The following BDH2 variants were observed in gnomAD, a reference collection of about 807,000 sequenced individuals.
BDH2 encodes the protein 3-hydroxybutyrate dehydrogenase 2, also known as dehydrogenase/reductase SDR family member 6.
A neutral mutation model predicts 33.2 loss-of-function variants in BDH2; 24 were observed. The ratio of observed to expected loss-of-function variants is 0.72; its 90% CI spans 0.52 to 1.02. The LOEUF (loss-of-function observed/expected upper bound fraction) is 1.02, where lower values mean the gene tolerates loss of function less well. Ranked by LOEUF, BDH2 falls within the 50% of genes least tolerant of loss-of-function variation. The pLI, the probability that BDH2 is intolerant of heterozygous loss-of-function variation, is 0.00. For synonymous variants in BDH2, 81 were observed against 101.6 expected, an observed-to-expected ratio of 0.80 and a Z score of 1.22; for missense variants, 249 against 301.6, an observed-to-expected ratio of 0.83 and a Z score of 1.29.
At chr4:103,096,420 T>C (rs1183045774) in intron 1 of BDH2, 146 bp from the exon 2 acceptor site, 1 of 520,476 alleles carries the variant, frequency 1.9e-6, no homozygotes, top group Non-Finnish European at 3.5e-6. Flanking sequence ...TCTGTGCAAG[T>C]AGTCCCATCA....
intron 3 of BDH2, 36 bp from the exon 4 acceptor site, chr4:103,092,732 T>C (rs760561896): frequency 1.5e-5 from 22 of 1,453,022 alleles, no homozygotes; most frequent in Non-Finnish European, 2.1e-5. Context: ...TTCCTAAAAA[T>C]GTTTAGCCTT....
chr4:103,086,187 T>A (rs1237637247), intron 6 of BDH2: 1 of 1,177,984 alleles, frequency 8.5e-7, no homozygotes, highest in Non-Finnish European at 1.1e-6. Context: ...CTATTTTAAA[T>A]TAATTAAATG....
chr4:103,097,711 C>T (rs1453888506), intron 1 of BDH2: 1 of 152,236 alleles, frequency 6.6e-6, no homozygotes, highest in Non-Finnish European at 1.5e-5. Context: ...TACTTGGCCA[C>T]TCCTAGCTGC....
chr4:103,096,697 C>A (rs1030420269), intron 1 of BDH2, among the ~76,000 whole-genome samples: 1 of 151,930 alleles, frequency 6.6e-6, no homozygotes, highest in South Asian at 2.1e-4. Flanking sequence ...CCTGCCACCA[C>A]GCCCAGCCAA....
At chr4:103,086,589 T>C (rs1422206693) in intron 5 of BDH2, 49 bp from the exon 6 acceptor site, 1 of 1,552,594 alleles carries the variant, frequency 6.4e-7, no homozygotes, top group Non-Finnish European at 8.7e-7. Flanking sequence ...CTTTGTGGGC[T>C]AAAATACTAC....
At chr4:103,092,427 C>A in intron 4 of BDH2, 173 bp downstream of exon 4, 1 of 606,876 alleles carries the variant, frequency 1.6e-6, no homozygotes, top group Non-Finnish European at 2.9e-6. Context: ...CTAAGGCTGT[C>A]TTACCTGCTG....
At chr4:103,081,704 G>A (rs1560569050) in intron 9 of BDH2, among the ~76,000 whole-genome samples, 1 of 152,190 alleles carries the variant, frequency 6.6e-6, no homozygotes, top group East Asian at 1.9e-4. Context: ...ACACAAATCT[G>A]CTTAATCCTC....
Position 103,091,231 on chromosome 4 carries a change from C to T in BDH2, c.303G>A (p.Ser101=), listed in dbSNP as rs151335490. The change falls in exon 5 of 10, where the codon TCG becomes TCA. Residue 101 remains serine, a synonymous_variant. Coordinates refer to ENST00000296424, the MANE Select transcript of BDH2 (RefSeq NM_020139.4). ...ACATGCTGCGCACATTGAGATTCAT[C>T]GAGAAGTCCCAGTCTTTCTCCTCAC... The part of the protein sequence containing the change: ...LDCEEKDWDF[S]MNLNVRSMYL... 21 of 1,613,402 alleles carry T rather than the reference C, an allele frequency of 1.3e-5. No homozygotes were observed. Among genetic ancestry groups the T allele is most frequent in the African/African-American group, 4.0e-5 (3 of 74,978 alleles).
At chr4:103,089,812 C>G (rs1217520478) in intron 5 of BDH2, among the ~76,000 whole-genome samples, 2 of 152,028 alleles carry the variant, frequency 1.3e-5, no homozygotes, top group Non-Finnish European at 1.5e-5. Flanking sequence ...CTCATAAACT[C>G]CAAATAGGCT....
At chr4:103,082,041 GA>G in intron 9 of BDH2, 39 bp downstream of exon 9, 2 of 1,532,480 alleles carry the variant, frequency 1.3e-6, no homozygotes, top group East Asian at 4.5e-5. Context: ...GGCCAAATGT[GA>G]TTGAGGGTAA....
chr4:103,085,545 A>C (rs1358469479), intron 6 of BDH2, 83 bp from the exon 7 acceptor site: 1 of 1,439,582 alleles, frequency 6.9e-7, no homozygotes, highest in East Asian at 2.5e-5. Context: ...AAGTTTTCCC[A>C]GTAGCCATTT....
intron 6 of BDH2, 105 bp from the exon 7 acceptor site, chr4:103,085,567 C>G: frequency 7.1e-7 from 1 of 1,418,206 alleles, no homozygotes; most frequent in Middle Eastern, 1.8e-4. Context: ...CATGCTTTCT[C>G]CCACATTCCT....
At chr4:103,079,914 G>T (rs1747424904) in intron 9 of BDH2, among the ~76,000 whole-genome samples, 159 bp from the exon 10 acceptor site, 1 of 152,196 alleles carries the variant, frequency 6.6e-6, no homozygotes, top group Non-Finnish European at 1.5e-5. Flanking sequence ...ATTAACATTT[G>T]GTTGATTTAG....
At chr4:103,088,111 GA>G (rs961593343) in intron 5 of BDH2, among the ~76,000 whole-genome samples, 9 of 152,224 alleles carry the variant, frequency 5.9e-5, no homozygotes, top group Middle Eastern at 3.4e-3. Flanking sequence ...GACAGCAGGG[GA>G]AAAAATAATG....
chr4:103,083,050 T>A, intron 7 of BDH2, 121 bp from the exon 8 acceptor site: 1 of 853,306 alleles, frequency 1.2e-6, no homozygotes, highest in Admixed American at 1.9e-5. Flanking sequence ...AAATGACAAC[T>A]TTACAGCTGC....
chr4:103,099,270 T>C (rs1164365544), intron 1 of BDH2: 1 of 152,170 alleles, frequency 6.6e-6, no homozygotes, highest in African/African-American at 2.4e-5. Flanking sequence ...TTCTATGCAC[T>C]CTGAAAACCT....
chr4:103,099,265 T>C (rs6830624), intron 1 of BDH2: 60,233 of 151,964 alleles, frequency 0.4, 13,860 homozygotes, highest in African/African-American at 0.63. Flanking sequence ...AGCCTTTCTA[T>C]GCACTCTGAA....
intron 1 of BDH2, among the ~76,000 whole-genome samples, chr4:103,098,089 A>T (rs1284193090): frequency 6.6e-6 from 1 of 152,082 alleles, no homozygotes; most frequent in Non-Finnish European, 1.5e-5. Flanking sequence ...AAATGATCAG[A>T]TTCGTATTTT....
At position 103,079,471 on chromosome 4, in the gene BDH2, C is replaced by T. The variant is rs71597141; in HGVS notation, c.*231G>A. Reference sequence around the variant, plus strand: ...CGAGATTTATTTTAAAAACTATTCTCCTGCTATGAGTTCAATATTTTTATT... The same window carrying T: ...CGAGATTTATTTTAAAAACTATTCTTCTGCTATGAGTTCAATATTTTTATT... On this transcript the variant is annotated 3_prime_UTR_variant, in exon 10 of 10. Coordinates refer to ENST00000296424, the MANE Select transcript of BDH2 (RefSeq NM_020139.4). 5 of 506,904 alleles carry T rather than the reference C, an allele frequency of 9.9e-6. No individual in the cohort carries two copies. Among genetic ancestry groups the T allele is most frequent in the Non-Finnish European group, 1.4e-5 (4 of 285,332 alleles). The allele number at this position is 506,904 out of a possible 1,614,324, so 31.4% of individuals were successfully genotyped here.
Sources: allele counts gnomAD v4.1 joint callset (sites outside exome capture counted in the v4.1 genomes callset), GRCh38; gene constraint gnomAD v4.1.1; transcripts MANE v1.5; gene names NCBI Gene and HGNC (gene_info 2026-07-23, HGNC 2026-07-21).